Variants in PPP1R37 observed in about 807,000 individuals in gnomAD.
PPP1R37 encodes the protein protein phosphatase 1 regulatory subunit 37, also known as leucine rich repeat containing 68.
Under a neutral mutation model 61.0 loss-of-function variants are expected in PPP1R37, and 21 were observed. That is an observed-to-expected ratio of 0.34 (90% CI 0.24 to 0.50). The LOEUF (loss-of-function observed/expected upper bound fraction) is 0.50, where lower values mean the gene tolerates loss of function less well. Among genes scored for constraint, PPP1R37 ranks in the 20% least tolerant of loss-of-function variants. The probability of loss-of-function intolerance (pLI) is 0.98; values close to 1 mark genes in which losing one functional copy is unlikely to be tolerated. For synonymous variants in PPP1R37, 443 were observed against 433.5 expected (o/e 1.02, Z -0.27); for missense variants, 910 against 952.7 (o/e 0.96, Z 0.59).
At chr19:45,115,074 T>C (rs1468281442) in intron 1 of PPP1R37, among the ~76,000 whole-genome samples, 1 of 152,146 alleles carries the variant, frequency 6.6e-6, no homozygotes, top group African/African-American at 2.4e-5. Flanking sequence ...TTGAGCTCAG[T>C]GCCCAGTCCT....
chr19:45,099,662 G>A (rs1042622184), intron 1 of PPP1R37, among the ~76,000 whole-genome samples: 8 of 152,234 alleles, frequency 5.3e-5, no homozygotes, highest in South Asian at 2.1e-4. Context: ...ATCTGTGCTC[G>A]CATCTATTTC....
intron 1 of PPP1R37, among the ~76,000 whole-genome samples, chr19:45,099,035 T>C (rs1968029606): frequency 6.6e-6 from 1 of 152,124 alleles, no homozygotes; most frequent in African/African-American, 2.4e-5. Flanking sequence ...GAGGATTAAG[T>C]GAGATAACAC....
chr19:45,098,084 G>A (rs1430991789), intron 1 of PPP1R37, among the ~76,000 whole-genome samples: 18 of 152,358 alleles, frequency 1.2e-4, no homozygotes, highest in Non-Finnish European at 4.4e-5. Flanking sequence ...ACCTGCTGGG[G>A]GCAGGTCTCC....
chr19:45,136,361 G>A (rs1318439945), intron 1 of PPP1R37: 1 of 152,124 alleles, frequency 6.6e-6, no homozygotes, highest in Non-Finnish European at 1.5e-5. Context: ...CTGTTAATAA[G>A]AAGGAAATGC....
chr19:45,106,359 A>T (rs1353756281), intron 1 of PPP1R37, among the ~76,000 whole-genome samples: 1 of 152,006 alleles, frequency 6.6e-6, no homozygotes, highest in Non-Finnish European at 1.5e-5. Flanking sequence ...CTCCTGCCTC[A>T]GCCTCCCAAG....
chr19:45,120,173 A>G (rs1239673007), intron 1 of PPP1R37, among the ~76,000 whole-genome samples: 2 of 151,892 alleles, frequency 1.3e-5, no homozygotes, highest in Non-Finnish European at 2.9e-5. Context: ...GCCCGCCACC[A>G]CGCCTGACTA....
chr19:45,144,931 C>T lies in PPP1R37; in HGVS notation c.1065C>T (p.Asn355=), dbSNP rs1037163226. The T allele has an allele frequency of 1.8e-5, 28 of 1,535,654 alleles. No homozygotes were observed. The highest frequency in any genetic ancestry group is 2.4e-5 in the Non-Finnish European group (27 of 1,146,732). ...ACGAGGGTGTGCGGCACCTCAAGAA[C>T]GGGCTCATCAGCAACCGCAGCGTGC... ...IGNEGVRHLK[N]GLISNRSVLR... Residue 355 remains asparagine, a synonymous_variant, in exon 9 of 13, where the codon AAC becomes AAT. Coordinates refer to ENST00000221462, the MANE Select transcript of PPP1R37 (RefSeq NM_019121.2).
intron 1 of PPP1R37, among the ~76,000 whole-genome samples, chr19:45,127,212 G>A (rs906554494): frequency 6.6e-6 from 1 of 152,140 alleles, no homozygotes; most frequent in African/African-American, 2.4e-5. Flanking sequence ...AGCCTGGCGT[G>A]GTGGCGTGTG....
chr19:45,146,553 C>G lies in PPP1R37; in HGVS notation c.*9-18C>G. On this transcript the variant is annotated intron_variant, in intron 12 of 12. Transcript: ENST00000221462. ...CCTCTGGCTCTGACAGTCTCTCCCC[C>G]AATCTCTCCTCCCCAAGTTCCCTTT... The G allele has an allele frequency of 1.8e-6, 2 of 1,095,648 alleles. No individual in the cohort carries two copies. The highest frequency in any genetic ancestry group is 2.7e-5 in the South Asian group (2 of 73,272). The allele number at this position is 1,095,648 out of a possible 1,614,324, so 67.9% of individuals were successfully genotyped here.
At chr19:45,095,790 C>G (rs1967985423) in intron 1 of PPP1R37, among the ~76,000 whole-genome samples, 2 of 149,560 alleles carry the variant, frequency 1.3e-5, no homozygotes, top group South Asian at 4.2e-4. Context: ...AGTTTTGGCA[C>G]TAGGAGCCAG....
intron 1 of PPP1R37, among the ~76,000 whole-genome samples, chr19:45,103,859 T>C (rs1968095640): frequency 6.6e-6 from 1 of 152,062 alleles, no homozygotes; most frequent in Non-Finnish European, 1.5e-5. Context: ...AGGAGCTGAG[T>C]TATAGCCCGG....
chr19:45,120,072 C>T (rs1362343481), intron 1 of PPP1R37, among the ~76,000 whole-genome samples: 3 of 134,416 alleles, frequency 2.2e-5, no homozygotes, highest in Admixed American at 1.7e-4. Context: ...GGCTGGAGTG[C>T]AGTGGCGCGA....
At chr19:45,114,780 C>G (rs536200678) in intron 1 of PPP1R37, among the ~76,000 whole-genome samples, 1,539 of 151,478 alleles carry the variant, frequency 0.01, 24 homozygotes, top group African/African-American at 0.035. Context: ...ACCCCCCCCC[C>G]CATCTCCACA....
rs1181615627 is a variant in PPP1R37, at chr19:45,141,452, C to G, written c.567+11C>G. The G allele has an allele frequency of 2.0e-6, 3 of 1,533,744 alleles. No individual in the cohort carries two copies. Among genetic ancestry groups the G allele is most frequent in the Non-Finnish European group, 2.6e-6 (3 of 1,145,978 alleles). Reference sequence around the variant, plus strand: ...CACATGATGCGCAAGGTGGGCGCCTCTCGGCTTCCAGGAAGAGGCAGCTCA... The same window carrying G: ...CACATGATGCGCAAGGTGGGCGCCTGTCGGCTTCCAGGAAGAGGCAGCTCA... On this transcript the variant is annotated intron_variant, in intron 5 of 12. Coordinates refer to ENST00000221462, the MANE Select transcript of PPP1R37 (RefSeq NM_019121.2).
intron 1 of PPP1R37, among the ~76,000 whole-genome samples, chr19:45,134,271 T>C (rs1374497517): frequency 6.6e-6 from 1 of 152,198 alleles, no homozygotes; most frequent in Non-Finnish European, 1.5e-5. Context: ...CACATAGTGC[T>C]GGGATTGCAG....
chr19:45,125,414 G>T (rs1413200889), intron 1 of PPP1R37, among the ~76,000 whole-genome samples: 1 of 152,164 alleles, frequency 6.6e-6, no homozygotes, highest in East Asian at 1.9e-4. Flanking sequence ...AGTGAGCCAA[G>T]ATCACACCAC....
At chr19:45,110,116 C>CTTTTTTTTTTTTTTTTTTTTTTT (rs373508881) in intron 1 of PPP1R37, among the ~76,000 whole-genome samples, 1 of 142,488 alleles carries the variant, frequency 7.0e-6, no homozygotes. Flanking sequence ...TTCCCTTTTT[C>CTTTTTTTTTTTTTTTTTTTTTTT]TTTTTTTTTT....
chr19:45,131,891 T>C (rs1480053139), intron 1 of PPP1R37, among the ~76,000 whole-genome samples: 1 of 152,186 alleles, frequency 6.6e-6, no homozygotes, highest in Non-Finnish European at 1.5e-5. Flanking sequence ...TCATGGGTGC[T>C]CTCACGTCCC....
chr19:45,109,531 C>T (rs982229379), intron 1 of PPP1R37, among the ~76,000 whole-genome samples: 4 of 152,356 alleles, frequency 2.6e-5, no homozygotes, highest in African/African-American at 9.6e-5. Flanking sequence ...CTGAGTGACT[C>T]GGTGAACCTG....
Sources: allele counts gnomAD v4.1 joint callset (sites outside exome capture counted in the v4.1 genomes callset), GRCh38; gene constraint gnomAD v4.1.1; transcripts MANE v1.5; gene names NCBI Gene and HGNC (gene_info 2026-07-23, HGNC 2026-07-21).